ASCC1: variants seen among roughly 807,000 people sequenced by gnomAD.
ASCC1 encodes the protein activating signal cointegrator 1 complex subunit 1, also known as ASC-1 complex subunit P50.
A neutral mutation model predicts 46.6 loss-of-function variants in ASCC1; 35 were observed. That is an observed-to-expected ratio of 0.75 (90% confidence interval 0.57 to 0.99). ASCC1 has a LOEUF of 0.99. ASCC1 is among the 50% of genes least tolerant of loss of function. The pLI is 0.00. For synonymous variants in ASCC1, 143 were observed against 146.6 expected, an observed-to-expected ratio of 0.98 and a Z score of 0.18; for missense variants, 376 against 428.7, an observed-to-expected ratio of 0.88 and a Z score of 1.09.
At chr10:72,188,506 AAAAAGGAAAAG>A (rs1328172958) in intron 5 of ASCC1, among the ~76,000 whole-genome samples, 5 of 152,124 alleles carry the variant, frequency 3.3e-5, no homozygotes, top group South Asian at 2.1e-4. Context: ...ACCTGATCGA[AAAAAGGAAAAG>A]AAAAGGAAAA....
intron 8 of ASCC1, among the ~76,000 whole-genome samples, chr10:72,130,378 G>C (rs954030096): frequency 6.6e-6 from 1 of 152,080 alleles, no homozygotes; most frequent in Admixed American, 6.6e-5. Flanking sequence ...GTAAATTGTA[G>C]AGTATGTGAA....
intron 7 of ASCC1, among the ~76,000 whole-genome samples, chr10:72,136,852 C>A (rs1006841351): frequency 1.3e-5 from 2 of 151,912 alleles, no homozygotes; most frequent in African/African-American, 4.8e-5. Context: ...GTAACACTCA[C>A]TGCAAAGGTC....
intron 5 of ASCC1, among the ~76,000 whole-genome samples, chr10:72,193,989 C>T (rs2133227718): frequency 6.6e-6 from 1 of 151,950 alleles, no homozygotes; most frequent in East Asian, 1.9e-4. Context: ...TGCCCGCCAC[C>T]ACACCCGGCT....
At chr10:72,112,623 T>C (rs1843041136) in intron 9 of ASCC1, among the ~76,000 whole-genome samples, 1 of 152,124 alleles carries the variant, frequency 6.6e-6, no homozygotes, top group African/African-American at 2.4e-5. Context: ...GGCTCACACC[T>C]GTAAGCACAT....
At chr10:72,131,873 ATTTTTTTTTTT>A (rs914278355) in intron 8 of ASCC1, among the ~76,000 whole-genome samples, 6 of 114,958 alleles carry the variant, frequency 5.2e-5, no homozygotes, top group African/African-American at 2.0e-4. Flanking sequence ...CTCTAGATAG[ATTTTTTTTTTT>A]TTTTTTTTTT....
upstream of ASCC1, chr10:72,216,321 G>A (rs1331569498): frequency 1.2e-5 from 2 of 161,622 alleles, no homozygotes; most frequent in African/African-American, 2.4e-5. Flanking sequence ...TGCGGGCCGA[G>A]GGCTGGCGCC....
At chr10:72,186,617 G>A (rs1853489141) in intron 5 of ASCC1, among the ~76,000 whole-genome samples, 2 of 152,218 alleles carry the variant, frequency 1.3e-5, no homozygotes, top group South Asian at 2.1e-4. Flanking sequence ...AGCCATCTTC[G>A]TGTCATTCTA....
At chr10:72,193,873 C>T (rs1162266580) in intron 5 of ASCC1, among the ~76,000 whole-genome samples, 2 of 147,692 alleles carry the variant, frequency 1.4e-5, no homozygotes, top group South Asian at 2.1e-4. Context: ...ACATCACTGT[C>T]GCCCAGGTTG....
chr10:72,114,183 T>A (rs1843231465), intron 9 of ASCC1, among the ~76,000 whole-genome samples: 1 of 152,254 alleles, frequency 6.6e-6, no homozygotes, highest in Non-Finnish European at 1.5e-5. Flanking sequence ...AAGCTCATTA[T>A]TATCTTTATC....
chr10:72,209,643 GC>G (rs1422707223), intron 3 of ASCC1, among the ~76,000 whole-genome samples: 2 of 152,060 alleles, frequency 1.3e-5, no homozygotes, highest in Non-Finnish European at 2.9e-5. Flanking sequence ...AATTAGCCAG[GC>G]ATGGTGGTGG....
At chr10:72,188,403 G>A (rs1853837860) in intron 5 of ASCC1, among the ~76,000 whole-genome samples, 1 of 151,762 alleles carries the variant, frequency 6.6e-6, no homozygotes, top group South Asian at 2.1e-4. Context: ...ACAGGCATGA[G>A]CCACCACGCC....
chr10:72,099,752 G>A (rs944970532), intron 9 of ASCC1, among the ~76,000 whole-genome samples: 5 of 152,074 alleles, frequency 3.3e-5, no homozygotes, highest in Non-Finnish European at 2.9e-5. Flanking sequence ...CCTGGGAGGC[G>A]GAGGTTGCGG....
intron 5 of ASCC1, among the ~76,000 whole-genome samples, chr10:72,184,507 A>C (rs944958156): frequency 1.3e-5 from 2 of 152,310 alleles, no homozygotes; most frequent in South Asian, 4.1e-4. Flanking sequence ...AGAAGGTTAG[A>C]ATGGTTATAT....
intron 9 of ASCC1, among the ~76,000 whole-genome samples, chr10:72,123,227 T>C (rs956066414): frequency 6.6e-6 from 1 of 151,258 alleles, no homozygotes; most frequent in African/African-American, 2.4e-5. Context: ...TAGTCCCAGC[T>C]GCTGGGGAGG....
intron 9 of ASCC1, among the ~76,000 whole-genome samples, chr10:72,101,195 G>A (rs1398137747): frequency 1.3e-5 from 2 of 152,154 alleles, no homozygotes; most frequent in Non-Finnish European, 2.9e-5. Context: ...ATCAGAAGAG[G>A]GAAATGCTGA....
At chr10:72,135,376 A>G (rs1846064370) in intron 7 of ASCC1, among the ~76,000 whole-genome samples, 2 of 152,208 alleles carry the variant, frequency 1.3e-5, no homozygotes, top group Non-Finnish European at 2.9e-5. Flanking sequence ...TATGTTAAGT[A>G]GAGTGATCAG....
intron 3 of ASCC1, 95 bp downstream of exon 3, chr10:72,210,637 C>A: frequency 1.1e-6 from 1 of 898,184 alleles, no homozygotes; most frequent in South Asian, 1.4e-5. Context: ...CATTAGTAAT[C>A]AAGCACTGCA....
intron 5 of ASCC1, among the ~76,000 whole-genome samples, chr10:72,195,033 T>C (rs1369354115): frequency 2.6e-5 from 4 of 151,986 alleles, no homozygotes; most frequent in African/African-American, 9.7e-5. Context: ...TGAGCCACCA[T>C]GCCCGGCCCA....
intron 7 of ASCC1, among the ~76,000 whole-genome samples, chr10:72,151,267 TA>T (rs530038379): frequency 6.6e-6 from 1 of 152,136 alleles, no homozygotes; most frequent in Non-Finnish European, 1.5e-5. Context: ...TATGCAGCCA[TA>T]AAAAAGGATG....
Sources: gnomAD v4.1 joint callset for allele counts (sites outside exome capture counted in the v4.1 genomes callset) on GRCh38, gnomAD v4.1.1 for gene constraint, MANE v1.5 for transcripts, NCBI Gene and HGNC (gene_info 2026-07-23, HGNC 2026-07-21) for gene names.